The following PHGDH variants were observed in gnomAD, a reference collection of about 807,000 sequenced individuals.
PHGDH encodes phosphoglycerate dehydrogenase.
In PHGDH, 50 loss-of-function variants were observed where a neutral mutation model predicts 52.6. The ratio of observed to expected loss-of-function variants is 0.95; its 90% CI spans 0.76 to 1.20. The LOEUF (loss-of-function observed/expected upper bound fraction) is 1.20, where lower values mean the gene tolerates loss of function less well. PHGDH is among the 50% of genes most tolerant of loss of function. The pLI, the probability that PHGDH is intolerant of heterozygous loss-of-function variation, is 0.00. For missense variants in PHGDH, 630 were observed against 684.6 expected, an observed-to-expected ratio of 0.92 and a Z score of 0.89; for synonymous variants, 271 against 280.5, an observed-to-expected ratio of 0.97 and a Z score of 0.34.
At chr1:119,715,492 C>T (rs1266933935) in intron 1 of PHGDH, among the ~76,000 whole-genome samples, 1 of 152,194 alleles carries the variant, frequency 6.6e-6, no homozygotes, top group Non-Finnish European at 1.5e-5. Context: ...GACCTGCCTT[C>T]CCTATAGCTG....
intron 6 of PHGDH, chr1:119,735,051 T>G (rs928936036): frequency 1.1e-5 from 7 of 633,552 alleles, no homozygotes; most frequent in Admixed American, 8.4e-5. Flanking sequence ...CAGACCCACT[T>G]GAAACAGTAA....
chr1:119,721,409 G>A, intron 2 of PHGDH, 88 bp downstream of exon 2: 1 of 1,342,700 alleles, frequency 7.4e-7, no homozygotes, highest in Non-Finnish European at 1.0e-6. Context: ...TCACTTGAGA[G>A]AAAGCTGAGT....
intron 1 of PHGDH, among the ~76,000 whole-genome samples, chr1:119,717,232 C>CAAAAAAAAA (rs58549149): frequency 0.01 from 378 of 37,340 alleles, 89 homozygotes; most frequent in East Asian, 0.029. Context: ...AACTCTGTCT[C>CAAAAAAAAA]AAAAAAAAAA....
intron 8 of PHGDH, chr1:119,739,528 T>C (rs1183200519): frequency 6.8e-6 from 1 of 146,822 alleles, no homozygotes; most frequent in South Asian, 2.2e-4. Context: ...TTTCTCTGTT[T>C]AAAAAAAAAA....
intron 1 of PHGDH, chr1:119,719,813 A>T (rs1417297750): frequency 6.6e-6 from 1 of 152,210 alleles, no homozygotes; most frequent in Non-Finnish European, 1.5e-5. Flanking sequence ...TCCAGAATCC[A>T]TGCAGTGGGA....
Position 119,736,774 on chromosome 1 carries a change from A to G in PHGDH, c.793-340A>G, listed in dbSNP as rs146099001. ...CAAGGGCCTCCCATGTTAAAGGTGC[A>G]TAATCCCCACAGTAATGTTATGAGG... On this transcript the variant is annotated intron_variant, in intron 7 of 11. Coordinates refer to ENST00000641023, the MANE Select transcript of PHGDH (RefSeq NM_006623.4). Among the ~76,000 whole-genome samples, 517 of 152,352 alleles carry G rather than the reference A, an allele frequency of 3.4e-3. 6 individuals are homozygous for G. Among genetic ancestry groups the G allele is most frequent in the African/African-American group, 0.012 (490 of 41,576 alleles).
intron 1 of PHGDH, among the ~76,000 whole-genome samples, chr1:119,714,764 G>T (rs1046051872): frequency 6.6e-5 from 10 of 152,290 alleles, no homozygotes; most frequent in Middle Eastern, 3.4e-3. Flanking sequence ...GCTACTGGGG[G>T]ATGGGGTGGA....
chr1:119,738,458 C>G (rs1652041495), intron 8 of PHGDH, among the ~76,000 whole-genome samples: 1 of 152,236 alleles, frequency 6.6e-6, no homozygotes, highest in Non-Finnish European at 1.5e-5. Context: ...AGACTCTGAC[C>G]TGTCTGCATC....
At chr1:119,732,460 C>T (rs1651738443) in intron 5 of PHGDH, among the ~76,000 whole-genome samples, 1 of 152,208 alleles carries the variant, frequency 6.6e-6, no homozygotes, top group African/African-American at 2.4e-5. Flanking sequence ...ATTAGGACAT[C>T]TGACCCTTTC....
At chr1:119,732,713 G>A (rs775168192) in intron 5 of PHGDH, among the ~76,000 whole-genome samples, 1 of 152,268 alleles carries the variant, frequency 6.6e-6, no homozygotes, top group Admixed American at 6.5e-5. Flanking sequence ...TCAGTGCTTC[G>A]CTCACCCCTG....
chr1:119,727,618 A>G (rs916249413), intron 5 of PHGDH: 1 of 176,082 alleles, frequency 5.7e-6, no homozygotes, highest in African/African-American at 2.4e-5. Context: ...TCATGAGGTC[A>G]GGAGATCAAG....
At chr1:119,727,989 G>A (rs955592514) in intron 5 of PHGDH, among the ~76,000 whole-genome samples, 1 of 152,174 alleles carries the variant, frequency 6.6e-6, no homozygotes, top group Admixed American at 6.5e-5. Flanking sequence ...CACATGAGTA[G>A]TAGCTGTACA....
At chr1:119,735,999 C>A (rs143002791) in intron 7 of PHGDH, among the ~76,000 whole-genome samples, 1 of 152,314 alleles carries the variant, frequency 6.6e-6, no homozygotes, top group Non-Finnish European at 1.5e-5. Context: ...GGGAAGAGTG[C>A]ATTTGCACTC....
At chr1:119,712,236 C>T in intron 1 of PHGDH, 76 bp downstream of exon 1, 2 of 1,369,374 alleles carry the variant, frequency 1.5e-6, no homozygotes, top group East Asian at 4.8e-5. Flanking sequence ...CAGGCCAGCG[C>T]GCCCCCCTCG....
intron 10 of PHGDH, chr1:119,742,524 C>T: frequency 1.8e-6 from 1 of 569,180 alleles, no homozygotes; most frequent in Non-Finnish European, 3.2e-6. Context: ...CCTCACAGCC[C>T]TGCCTCCCTG....
At chr1:119,727,788 C>A (rs1651504201) in intron 5 of PHGDH, 1 of 152,956 alleles carries the variant, frequency 6.5e-6, no homozygotes, top group East Asian at 1.9e-4. Flanking sequence ...GAGCCGAGAT[C>A]ATGCCACTGC....
At chr1:119,726,769 C>T in intron 3 of PHGDH, 82 bp from the exon 4 acceptor site, 16 of 1,100,880 alleles carry the variant, frequency 1.5e-5, no homozygotes, top group Non-Finnish European at 1.3e-5. Context: ...TGGGCAGTGA[C>T]TGTGCAAACC....
At chr1:119,719,046 G>T (rs1425485561) in intron 1 of PHGDH, among the ~76,000 whole-genome samples, 4 of 152,198 alleles carry the variant, frequency 2.6e-5, no homozygotes, top group African/African-American at 9.6e-5. Flanking sequence ...TGGAGCCTGT[G>T]TGGTGGACTT....
At chr1:119,714,606 C>G (rs1249401304) in intron 1 of PHGDH, 3 of 152,234 alleles carry the variant, frequency 2.0e-5, no homozygotes, top group African/African-American at 7.2e-5. Flanking sequence ...GTGGCTCACG[C>G]CTGTAATCCC....
Sources: allele counts gnomAD v4.1 joint callset (sites outside exome capture counted in the v4.1 genomes callset), GRCh38; gene constraint gnomAD v4.1.1; transcripts MANE v1.5; gene names NCBI Gene and HGNC (gene_info 2026-07-23, HGNC 2026-07-21).